BMP6: variants seen among roughly 807,000 people sequenced by gnomAD.
BMP6 encodes the protein VG-1-R.
In BMP6, 17 loss-of-function variants were observed where a neutral mutation model predicts 54.1. The ratio of observed to expected loss-of-function variants is 0.31; its 90% CI spans 0.22 to 0.47. The LOEUF (loss-of-function observed/expected upper bound fraction) is 0.47, where lower values mean the gene tolerates loss of function less well. BMP6 is among the 20% of genes least tolerant of loss of function. The pLI is 1.00. For synonymous variants in BMP6, 328 were observed against 291.2 expected, an observed-to-expected ratio of 1.13 and a Z score of -1.28; for missense variants, 720 against 690.4, an observed-to-expected ratio of 1.04 and a Z score of -0.48.
At chr6:7,859,597 C>T (rs1378032853) in intron 2 of BMP6, among the ~76,000 whole-genome samples, 1 of 152,162 alleles carries the variant, frequency 6.6e-6, no homozygotes, top group Admixed American at 6.5e-5. Context: ...CCTTCCAGAA[C>T]AGAATTGATG....
rs1414375972 is a variant in BMP6, at chr6:7,727,144, C to T, written c.189C>T (p.Ser63=). 20 of 1,571,008 alleles carry T rather than the reference C, an allele frequency of 1.3e-5. No individual in the cohort carries two copies. The highest frequency in any genetic ancestry group is 7.2e-5 in the East Asian group (3 of 41,590). ...TEQPPPSPQS[S]SGFLYRRLKT... ...AGCCGCCGCCGTCGCCGCAGTCCTC[C>T]TCGGGCTTCCTGTACCGGCGGCTCA... The change falls in exon 1 of 7, where the codon TCC becomes TCT. Residue 63 remains serine (S), a synonymous_variant. Transcript: ENST00000283147.
At chr6:7,821,607 G>A (rs376646734) in intron 1 of BMP6, among the ~76,000 whole-genome samples, 2 of 152,212 alleles carry the variant, frequency 1.3e-5, no homozygotes, top group East Asian at 3.8e-4. Context: ...TTGGGATCAT[G>A]TCCCAGTTCT....
chr6:7,858,776 ACTTCC>A (rs1760832608), intron 2 of BMP6, among the ~76,000 whole-genome samples: 2 of 149,878 alleles, frequency 1.3e-5, no homozygotes, highest in South Asian at 4.3e-4. Context: ...GCTCTGCCTC[ACTTCC>A]CTTCCAGAGG....
At chr6:7,803,920 A>C (rs1285484787) in intron 1 of BMP6, among the ~76,000 whole-genome samples, 1 of 152,202 alleles carries the variant, frequency 6.6e-6, no homozygotes, top group African/African-American at 2.4e-5. Flanking sequence ...GTACTACAGT[A>C]ATCAATATAA....
At chr6:7,861,158 T>G (rs1277997977) in intron 2 of BMP6, among the ~76,000 whole-genome samples, 1 of 151,664 alleles carries the variant, frequency 6.6e-6, no homozygotes, top group Non-Finnish European at 1.5e-5. Context: ...AAAAGATCTG[T>G]CATAAGCAGC....
At chr6:7,783,428 G>C (rs1242816915) in intron 1 of BMP6, among the ~76,000 whole-genome samples, 1 of 152,208 alleles carries the variant, frequency 6.6e-6, no homozygotes, top group African/African-American at 2.4e-5. Flanking sequence ...GGTCTGAAAA[G>C]TCTTAACTAT....
At chr6:7,835,653 C>A (rs1291534598) in intron 1 of BMP6, among the ~76,000 whole-genome samples, 1 of 151,992 alleles carries the variant, frequency 6.6e-6, no homozygotes, top group Non-Finnish European at 1.5e-5. Context: ...TGTAAGGGGG[C>A]AAAAATGCGG....
chr6:7,750,616 G>A (rs1421149472), intron 1 of BMP6, among the ~76,000 whole-genome samples: 1 of 152,044 alleles, frequency 6.6e-6, no homozygotes, highest in South Asian at 2.1e-4. Flanking sequence ...ATGACTAGGT[G>A]TATCTTGAGA....
At chr6:7,810,694 TTAA>T (rs1758423018) in intron 1 of BMP6, among the ~76,000 whole-genome samples, 1 of 152,256 alleles carries the variant, frequency 6.6e-6, no homozygotes, top group African/African-American at 2.4e-5. Flanking sequence ...TTCACTATAC[TTAA>T]TAATTGCATT....
intron 2 of BMP6, among the ~76,000 whole-genome samples, chr6:7,849,493 G>T (rs1439233610): frequency 6.6e-6 from 1 of 152,112 alleles, no homozygotes; most frequent in Non-Finnish European, 1.5e-5. Context: ...AATGACTTCT[G>T]ACCTTTCATA....
rs1761740464 is a variant in BMP6, at chr6:7,727,085, C to T, written c.130C>T (p.Leu44=). ...AAAAAAGGQL[L]GDGGSPGRTE... ...GGCCGCCGCCGCCGGGGGGCAGCTGCTGGGGGACGGCGGGAGCCCCGGCCG... is the reference window on the plus strand; with the variant it reads ...GGCCGCCGCCGCCGGGGGGCAGCTGTTGGGGGACGGCGGGAGCCCCGGCCG... Residue 44 remains leucine, a synonymous_variant, in exon 1 of 7, where the codon CTG becomes TTG. Coordinates refer to ENST00000283147, the MANE Select transcript of BMP6 (RefSeq NM_001718.6). The T allele has an allele frequency of 1.5e-6, 2 of 1,313,204 alleles. No homozygotes were observed. The highest frequency in any genetic ancestry group is 2.3e-5 in the South Asian group (1 of 42,568). 81.3% of individuals were successfully genotyped at this position (1,313,204 alleles called of 1,614,324 possible).
At chr6:7,803,231 C>T (rs978220156) in intron 1 of BMP6, among the ~76,000 whole-genome samples, 13 of 152,108 alleles carry the variant, frequency 8.5e-5, no homozygotes, top group Admixed American at 8.5e-4. Context: ...TTGGCTAGAG[C>T]ATCCGTGGTC....
chr6:7,805,132 A>G (rs781346111), intron 1 of BMP6, among the ~76,000 whole-genome samples: 28 of 152,350 alleles, frequency 1.8e-4, no homozygotes, highest in Admixed American at 8.5e-4. Context: ...TTTTGTCCCT[A>G]GTCTACAGAT....
chr6:7,839,426 C>T (rs531810710), intron 1 of BMP6, among the ~76,000 whole-genome samples: 38 of 152,358 alleles, frequency 2.5e-4, no homozygotes, highest in African/African-American at 8.9e-4. Flanking sequence ...TTTTCTTCTT[C>T]CCAAGCTGAC....
intron 1 of BMP6, among the ~76,000 whole-genome samples, chr6:7,728,208 G>A (rs1048262576): frequency 2.6e-5 from 4 of 152,206 alleles, no homozygotes; most frequent in African/African-American, 7.2e-5. Flanking sequence ...CGCGGAAGGC[G>A]CTCGGATCCC....
At chr6:7,794,348 A>C (rs1758160795) in intron 1 of BMP6, among the ~76,000 whole-genome samples, 1 of 152,224 alleles carries the variant, frequency 6.6e-6, no homozygotes, top group Non-Finnish European at 1.5e-5. Flanking sequence ...GGTAACAACA[A>C]GAATGTACAC....
At chr6:7,871,434 T>C (rs1759522409) in intron 4 of BMP6, among the ~76,000 whole-genome samples, 1 of 152,188 alleles carries the variant, frequency 6.6e-6, no homozygotes, top group African/African-American at 2.4e-5. Flanking sequence ...ACCTTCTGCT[T>C]ATGGAAGGAA....
chr6:7,753,829 C>A (rs1280537469), intron 1 of BMP6, among the ~76,000 whole-genome samples: 1 of 152,040 alleles, frequency 6.6e-6, no homozygotes, highest in Admixed American at 6.5e-5. Flanking sequence ...TTTTAAAATT[C>A]CCCTCGTGAT....
At chr6:7,779,074 G>T in intron 1 of BMP6, among the ~76,000 whole-genome samples, 1 of 152,208 alleles carries the variant, frequency 6.6e-6, no homozygotes, top group East Asian at 1.9e-4. Flanking sequence ...CTTTCGGGAA[G>T]CAGTGTTTCT....
Sources: gnomAD v4.1 joint callset for allele counts (sites outside exome capture counted in the v4.1 genomes callset) on GRCh38, gnomAD v4.1.1 for gene constraint, MANE v1.5 for transcripts, NCBI Gene and HGNC (gene_info 2026-07-23, HGNC 2026-07-21) for gene names.